TUBB1: variants seen among roughly 807,000 people sequenced by gnomAD.
TUBB1 encodes tubulin beta 1 class VI, also known as tubulin beta-1 chain.
In TUBB1, 28 loss-of-function variants were observed where a neutral mutation model predicts 22.6. The ratio of observed to expected loss-of-function variants is 1.24; its 90% confidence interval spans 0.92 to 1.70. The LOEUF (loss-of-function observed/expected upper bound fraction) is 1.70. TUBB1 is among the 40% of genes most tolerant of loss of function. The probability of loss-of-function intolerance (pLI) is 0.00; values close to 1 mark genes in which losing one functional copy is unlikely to be tolerated. For missense variants in TUBB1, 577 were observed against 605.5 expected (o/e 0.95, Z 0.49); for synonymous variants, 226 against 238.0 (o/e 0.95, Z 0.46).
chr20:59,024,525 C>A lies in TUBB1; in HGVS notation c.1098C>A (p.Thr366=). Residue 366 remains threonine (T), a synonymous_variant, in exon 4 of 4, where the codon ACC becomes ACA. Coordinates refer to ENST00000217133, the MANE Select transcript of TUBB1 (RefSeq NM_030773.4). This position sits in a 1 kb window ranked among gnomAD's most constrained non-coding sequence, Gnocchi z 4.9. ...IPPRGLSMAA[T]FIGNNTAIQE... ...CCCGGGGGCTGAGCATGGCCGCCAC[C>A]TTCATTGGCAACAACACGGCCATCC... 1.9e-6 allele frequency: 3 copies of A among 1,614,194 alleles called. No individual in the cohort carries two copies. Among genetic ancestry groups the A allele is most frequent in the Non-Finnish European group, 2.5e-6 (3 of 1,180,052 alleles).
At position 59,025,296 on chromosome 20, in the gene TUBB1, T is replaced by A. The variant is rs1457552133; in HGVS notation, c.*513T>A. The A allele has an allele frequency of 4.8e-6, 1 of 207,864 alleles. No individual in the cohort carries two copies. The allele number at this position is 207,864 out of a possible 1,614,324, so 12.9% of individuals were successfully genotyped here. ...AAGAGCCAGGTGCCTGACTAGTACA[T>A]GGGGAGCTACAGAGCCAAGGTCAAT... is the stretch of plus-strand genomic sequence containing the variant. On this transcript the variant is annotated 3_prime_UTR_variant, in exon 4 of 4. Coordinates refer to ENST00000217133, the MANE Select transcript of TUBB1 (RefSeq NM_030773.4).
intron 1 of TUBB1, among the ~76,000 whole-genome samples, chr20:59,020,341 C>T (rs1042253046): frequency 2.0e-5 from 3 of 152,194 alleles, no homozygotes; most frequent in African/African-American, 4.8e-5. Context: ...TGCGCCACCA[C>T]GTCTGGCTAA....
upstream of TUBB1, chr20:59,019,288 T>C (rs886734936): frequency 1.7e-6 from 1 of 599,378 alleles, no homozygotes. Flanking sequence ...GGAAAAACAC[T>C]CCCTTCCAAA....
chr20:59,025,194 A>G lies in TUBB1; in HGVS notation c.*411A>G, dbSNP rs1601240129. ...CCTCACTTGGTATCCGAGGGCTACTAAGACTCTTTCCTTAGGTTCTTTCCT... is the reference window on the plus strand; with the variant it reads ...CCTCACTTGGTATCCGAGGGCTACTGAGACTCTTTCCTTAGGTTCTTTCCT... On this transcript the variant is annotated 3_prime_UTR_variant, in exon 4 of 4. Coordinates refer to ENST00000217133, the MANE Select transcript of TUBB1 (RefSeq NM_030773.4). 1 of 282,260 alleles carries G rather than the reference A, an allele frequency of 3.5e-6. No homozygotes were observed. The highest frequency in any genetic ancestry group is 9.0e-5 in the East Asian group (1 of 11,130). 17.5% of individuals were successfully genotyped at this position (282,260 alleles called of 1,614,324 possible).
rs1053682949 is a variant in TUBB1, at chr20:59,025,199, T to C, written c.*416T>C. ...CTTGGTATCCGAGGGCTACTAAGAC[T>C]CTTTCCTTAGGTTCTTTCCTCTGAG... On this transcript the variant is annotated 3_prime_UTR_variant, in exon 4 of 4. Coordinates refer to ENST00000217133, the MANE Select transcript of TUBB1 (RefSeq NM_030773.4). 88 of 269,896 alleles carry C rather than the reference T, an allele frequency of 3.3e-4. 1 individual carries two copies. Among genetic ancestry groups the C allele is most frequent in the Non-Finnish European group, 9.5e-5 (13 of 136,328 alleles). The allele number at this position is 269,896 out of a possible 1,614,324, so 16.7% of individuals were successfully genotyped here.
At position 59,019,898 on chromosome 20, in the gene TUBB1, T is replaced by C. The variant is rs527973313; in HGVS notation, c.57+319T>C. On this transcript the variant is annotated intron_variant, in intron 1 of 3. Transcript: ENST00000217133. ...TTACATAATACGTTTATCATCTTTT[T>C]CTTTGCCCACTCTGTTGCCCAGGCT... is the stretch of plus-strand genomic sequence containing the variant. Among the ~76,000 whole-genome samples, 27 of 152,090 alleles carry C rather than the reference T, an allele frequency of 1.8e-4. 1 individual carries two copies. The South Asian group carries it at 3.7e-3, about 21-fold the overall frequency.
upstream of TUBB1, among the ~76,000 whole-genome samples, chr20:59,017,884 C>T (rs1344926742): frequency 5.3e-5 from 8 of 152,192 alleles, no homozygotes; most frequent in South Asian, 2.1e-4. Context: ...TTGTCTGCAG[C>T]GCCCAAGGTG....
chr20:59,019,712 GC>G (rs1168049528), intron 1 of TUBB1, 133 bp downstream of exon 1: 5 of 937,162 alleles, frequency 5.3e-6, no homozygotes, highest in Non-Finnish European at 8.4e-6. Context: ...ATCAGACAAT[GC>G]CTTTGGGCTT....
rs751707066 is a variant in TUBB1, at chr20:59,024,819, AAC to A, written c.*38_*39del. ...AGCTGTGCCGCGGAGTCGCTTACAGAACAGTTTCTCATTAGATGAGTGTTTCT... is the reference window on the plus strand; with the variant it reads ...AGCTGTGCCGCGGAGTCGCTTACAGAAGTTTCTCATTAGATGAGTGTTTCT... On this transcript the variant is annotated 3_prime_UTR_variant, in exon 4 of 4. Coordinates refer to ENST00000217133, the MANE Select transcript of TUBB1 (RefSeq NM_030773.4). The surrounding 1 kb of genome is among the most constrained non-coding windows in gnomAD (Gnocchi z 4.9). The A allele has an allele frequency of 1.9e-6, 3 of 1,598,922 alleles. No homozygotes were observed. The highest frequency in any genetic ancestry group is 2.2e-5 in the East Asian group (1 of 44,800).
intron 1 of TUBB1, among the ~76,000 whole-genome samples, chr20:59,020,438 C>A (rs1048560601): frequency 6.6e-6 from 1 of 152,254 alleles, no homozygotes; most frequent in Admixed American, 6.5e-5. Context: ...CCCGCCTGGG[C>A]CTCCCGAAGT....
chr20:59,024,814 T>A lies in TUBB1; in HGVS notation c.*31T>A. On this transcript the variant is annotated 3_prime_UTR_variant, in exon 4 of 4. Coordinates refer to ENST00000217133, the MANE Select transcript of TUBB1 (RefSeq NM_030773.4). The surrounding 1 kb of genome is among the most constrained non-coding windows in gnomAD (Gnocchi z 4.9). The stretch of plus-strand genomic sequence containing the variant: ...AGAGAAGCTGTGCCGCGGAGTCGCT[T>A]ACAGAACAGTTTCTCATTAGATGAG... 2 of 1,603,394 alleles carry A rather than the reference T, an allele frequency of 1.2e-6. No homozygotes were observed. Among genetic ancestry groups the A allele is most frequent in the Non-Finnish European group, 8.5e-7 (1 of 1,170,510 alleles).
upstream of TUBB1, chr20:59,019,153 A>T (rs898742482): frequency 3.2e-5 from 10 of 313,110 alleles, no homozygotes; most frequent in Admixed American, 8.9e-5. Context: ...CACGGTCACT[A>T]GGGCCAGCAT....
intron 1 of TUBB1, 77 bp from the exon 2 acceptor site, chr20:59,022,768 T>C: frequency 7.4e-7 from 1 of 1,345,328 alleles, no homozygotes; most frequent in East Asian, 2.3e-5. Context: ...GAAACAGGCT[T>C]GGGAATGCTA....
Position 59,025,841 on chromosome 20 carries a change from T to TA in TUBB1, c.*1060dup. 6.6e-6 allele frequency: 1 copy of TA among 152,388 alleles called. No homozygotes were observed. Among genetic ancestry groups the TA allele is most frequent in the African/African-American group, 2.4e-5 (1 of 41,596 alleles). 9.4% of individuals were successfully genotyped at this position (152,388 alleles called of 1,614,324 possible). The stretch of plus-strand genomic sequence containing the variant: ...AAATGTTTGCATAATGACATAGCTT[T>TA]AAGCACTACATGATTTTAATCTGCT... On this transcript the variant is annotated 3_prime_UTR_variant, in exon 4 of 4. Transcript: ENST00000217133.
At chr20:59,021,669 T>C (rs901001081) in intron 1 of TUBB1, among the ~76,000 whole-genome samples, 3 of 152,172 alleles carry the variant, frequency 2.0e-5, no homozygotes, top group African/African-American at 7.2e-5. Context: ...CTATGTGTAA[T>C]TGTGAGTTGT....
chr20:59,023,394 G>A, intron 2 of TUBB1, 96 bp from the exon 3 acceptor site: 1 of 1,148,716 alleles, frequency 8.7e-7, no homozygotes, highest in South Asian at 1.2e-5. Flanking sequence ...GAATATCCAT[G>A]ATTTTTTTTG....
At chr20:59,022,720 C>G in intron 1 of TUBB1, 125 bp from the exon 2 acceptor site, 1 of 819,164 alleles carries the variant, frequency 1.2e-6, no homozygotes, top group Non-Finnish European at 2.1e-6. Flanking sequence ...TGAAAAGGCC[C>G]TAAAAGAATG....
At chr20:59,018,951 G>A (rs2217189), upstream of TUBB1, among the ~76,000 whole-genome samples, 285 of 152,342 alleles carry the variant, frequency 1.9e-3, 1 homozygote, top group African/African-American at 6.6e-3. Flanking sequence ...GGGGGAGGGC[G>A]GGCAGACAGT....
intron 1 of TUBB1, among the ~76,000 whole-genome samples, chr20:59,021,457 C>G (rs1391889082): frequency 6.6e-6 from 1 of 152,172 alleles, no homozygotes; most frequent in Non-Finnish European, 1.5e-5. Context: ...GAAGATATGG[C>G]TGGGGTTTTT....
Sources: allele counts gnomAD v4.1 joint callset (sites outside exome capture counted in the v4.1 genomes callset), GRCh38; gene constraint gnomAD v4.1.1; non-coding constraint Gnocchi (gnomAD v3.1); transcripts MANE v1.5; gene names NCBI Gene and HGNC (gene_info 2026-07-23, HGNC 2026-07-21).